Variants in ZNF732 observed in about 807,000 individuals in gnomAD.
ZNF732 encodes zinc finger protein LOC654254.
In ZNF732, 12 loss-of-function variants were observed where a neutral mutation model predicts 11.5. The ratio of observed to expected loss-of-function variants is 1.05; its 90% confidence interval spans 0.67 to 1.70. The LOEUF (loss-of-function observed/expected upper bound fraction) is 1.70. Among genes scored for constraint, ZNF732 ranks in the 40% most tolerant of loss-of-function variants. The pLI is 0.00. For synonymous variants in ZNF732, 231 were observed against 236.5 expected (o/e 0.98, Z 0.21); for missense variants, 702 against 676.9 (o/e 1.04, Z -0.41).
chr4:273,454 T>C (rs539017205), intron 3 of ZNF732, among the ~76,000 whole-genome samples: 1 of 151,952 alleles, frequency 6.6e-6, no homozygotes, highest in East Asian at 1.9e-4. Flanking sequence ...AAAACAACCA[T>C]AAAAACAAAG....
chr4:275,788 C>T (rs1719481831), intron 3 of ZNF732, among the ~76,000 whole-genome samples: 1 of 151,470 alleles, frequency 6.6e-6, no homozygotes, highest in Non-Finnish European at 1.5e-5. Context: ...ATCTTGATGA[C>T]ATTATACAAC....
chr4:299,435 GTATATATA>G (rs534173072), intron 1 of ZNF732, among the ~76,000 whole-genome samples: 11 of 95,444 alleles, frequency 1.2e-4, no homozygotes, highest in Admixed American at 1.1e-3. Context: ...ACACATATGT[GTATATATA>G]TATATATACA....
chr4:301,677 G>A (rs552597590), intron 1 of ZNF732, among the ~76,000 whole-genome samples: 16 of 152,218 alleles, frequency 1.1e-4, no homozygotes, highest in Non-Finnish European at 2.1e-4. Flanking sequence ...ATGAGAACAC[G>A]TGGACACAGG....
intron 3 of ZNF732, among the ~76,000 whole-genome samples, chr4:276,467 T>C (rs1374538234): frequency 1.3e-5 from 2 of 151,946 alleles, no homozygotes; most frequent in Non-Finnish European, 2.9e-5. Flanking sequence ...ATCTGTCATA[T>C]ACAATCTTTA....
Position 272,489 on chromosome 4 carries a change from T to A in ZNF732, c.368A>T (p.Lys123Ile). 2 of 1,602,906 alleles carry A rather than the reference T, an allele frequency of 1.2e-6. No individual in the cohort carries two copies. The highest frequency in any genetic ancestry group is 1.7e-6 in the Non-Finnish European group (2 of 1,173,914). ...LRKSCKRKVQ[K>I]GGYNEFNQCL... ...TTGATTAAATTCATTATAACCTCCT[T>A]TCTGCACCTTCCTTTTACAGCTTTT... The change falls in exon 4 of 4, where the codon AAA becomes ATA. Residue 123 changes from lysine (K) to isoleucine (I), a missense_variant. By Grantham distance (102) the Lys-to-Ile change is moderately radical. This residue lies in a region of ZNF732 where 596 missense variants were observed against 557.9 expected (regional missense o/e 1.07). Coordinates refer to ENST00000419098, the MANE Select transcript of ZNF732 (RefSeq NM_001137608.3).
At position 271,973 on chromosome 4, in the gene ZNF732, T is replaced by G; in HGVS notation, c.884A>C (p.Lys295Thr). The stretch of plus-strand genomic sequence containing the variant: ...CTCTCCGGTATGAATTTTCTTATGT[T>G]TGGCAACATTTGAGGATGAGGTAAT... ...KIITSSSNVA[K>T]HKKIHTGEKL... The change falls in exon 4 of 4, where the codon AAA becomes ACA. Residue 295 changes from lysine (K) to threonine (T), a missense_variant. Coordinates refer to ENST00000419098, the MANE Select transcript of ZNF732 (RefSeq NM_001137608.3). 5.0e-6 allele frequency: 8 copies of G among 1,607,030 alleles called. No homozygotes were observed. Among genetic ancestry groups the G allele is most frequent in the Non-Finnish European group, 6.8e-6 (8 of 1,176,432 alleles).
intron 1 of ZNF732, among the ~76,000 whole-genome samples, chr4:302,631 G>A (rs1581552111): frequency 6.6e-6 from 1 of 152,294 alleles, no homozygotes; most frequent in East Asian, 1.9e-4. Context: ...GCATGTTCTT[G>A]CTATTCACTT....
intron 3 of ZNF732, among the ~76,000 whole-genome samples, chr4:279,740 A>G (rs782069449): frequency 1.3e-5 from 2 of 152,216 alleles, no homozygotes; most frequent in African/African-American, 2.4e-5. Flanking sequence ...TAAAAAGGTT[A>G]CATTTTTCAA....
intron 3 of ZNF732, among the ~76,000 whole-genome samples, chr4:286,295 TA>T (rs1414397114): frequency 6.6e-6 from 1 of 152,202 alleles, no homozygotes. Context: ...AACTAGATTT[TA>T]AAAAGACAAT....
At chr4:278,531 A>G (rs1180935904) in intron 3 of ZNF732, among the ~76,000 whole-genome samples, 1 of 152,242 alleles carries the variant, frequency 6.6e-6, no homozygotes, top group African/African-American at 2.4e-5. Context: ...ACCAAATCCC[A>G]GAATGGGTTG....
chr4:299,774 G>A (rs543412733), intron 1 of ZNF732, among the ~76,000 whole-genome samples: 295 of 144,634 alleles, frequency 2.0e-3, no homozygotes, highest in African/African-American at 7.1e-3. Context: ...TCAGCTGACC[G>A]CAACCTCTGG....
chr4:274,442 G>A (rs1719452321), intron 3 of ZNF732, among the ~76,000 whole-genome samples: 1 of 151,400 alleles, frequency 6.6e-6, no homozygotes, highest in South Asian at 2.1e-4. Context: ...AAAAGACTAA[G>A]GAAGACAGAA....
At chr4:296,692 C>A (rs1045689491) in intron 1 of ZNF732, among the ~76,000 whole-genome samples, 2 of 152,128 alleles carry the variant, frequency 1.3e-5, no homozygotes, top group Non-Finnish European at 2.9e-5. Context: ...CTCACTGTAA[C>A]AAAATTTTGC....
intron 1 of ZNF732, among the ~76,000 whole-genome samples, chr4:299,342 A>T (rs1357257809): frequency 2.1e-5 from 2 of 93,524 alleles, no homozygotes; most frequent in African/African-American, 4.5e-5. Flanking sequence ...AGCAGTTATG[A>T]GTATATATAC....
intron 1 of ZNF732, among the ~76,000 whole-genome samples, chr4:301,573 A>C (rs1720118651): frequency 6.6e-6 from 1 of 152,230 alleles, no homozygotes; most frequent in Non-Finnish European, 1.5e-5. Flanking sequence ...TTGTAGGGAC[A>C]TGGATGAAGC....
chr4:295,901 C>A, intron 2 of ZNF732, 128 bp downstream of exon 2: 1 of 1,203,736 alleles, frequency 8.3e-7, no homozygotes, highest in Non-Finnish European at 1.1e-6. Flanking sequence ...AGCAAACTCC[C>A]AACAGTTTCT....
chr4:283,459 T>C (rs1413028864), intron 3 of ZNF732, among the ~76,000 whole-genome samples: 2 of 151,056 alleles, frequency 1.3e-5, no homozygotes, highest in African/African-American at 2.4e-5. Flanking sequence ...TAAAAGAGTA[T>C]AGAAGTGGCT....
chr4:296,918 G>A (rs868914990), intron 1 of ZNF732, among the ~76,000 whole-genome samples: 10 of 152,154 alleles, frequency 6.6e-5, no homozygotes, highest in South Asian at 2.1e-4. Flanking sequence ...TCTGGAGGCC[G>A]TTTAAAGTTT....
intron 1 of ZNF732, among the ~76,000 whole-genome samples, chr4:299,694 C>CTTT (rs1268663238): frequency 5.9e-5 from 7 of 117,724 alleles, no homozygotes; most frequent in Non-Finnish European, 1.1e-4. Flanking sequence ...AATATATATA[C>CTTT]TTTTTTTTTT....
Sources: gnomAD v4.1 joint callset for allele counts (sites outside exome capture counted in the v4.1 genomes callset) on GRCh38, gnomAD v4.1.1 for gene constraint, gnomAD v4.1.1 regional missense constraint, MANE v1.5 for transcripts, NCBI Gene and HGNC (gene_info 2026-07-23, HGNC 2026-07-21) for gene names.